The following VPS33A variants were observed in gnomAD, a reference collection of about 807,000 sequenced individuals.
VPS33A encodes VPS33A core subunit of CORVET and HOPS complexes.
In VPS33A, 32 loss-of-function variants were observed where a neutral mutation model predicts 71.8. The observed-to-expected ratio is 0.45, with a 90% CI of 0.34 to 0.60. VPS33A has a LOEUF of 0.60. Ranked by LOEUF, VPS33A falls within the 20% of genes least tolerant of loss-of-function variation. The pLI, the probability that VPS33A is intolerant of heterozygous loss-of-function variation, is 0.02. For missense variants in VPS33A, 625 were observed against 748.5 expected, an observed-to-expected ratio of 0.84 and a Z score of 1.92; for synonymous variants, 311 against 292.7, an observed-to-expected ratio of 1.06 and a Z score of -0.64.
At chr12:122,261,551 T>C in intron 3 of VPS33A, 104 bp from the exon 4 acceptor site, 1 of 1,060,620 alleles carries the variant, frequency 9.4e-7, no homozygotes, top group Non-Finnish European at 1.4e-6. Flanking sequence ...ACTAAATAAA[T>C]GCTGGCTAGA....
Position 122,264,202 on chromosome 12 carries a change from G to C in VPS33A, c.103-3C>G. The C allele has an allele frequency of 6.5e-7, 1 of 1,532,406 alleles. No homozygotes were observed. Among genetic ancestry groups the C allele is most frequent in the South Asian group, 1.3e-5 (1 of 78,070 alleles). 94.9% of individuals were successfully genotyped at this position (1,532,406 alleles called of 1,614,324 possible). On this transcript the variant is annotated splice_polypyrimidine_tract_variant and splice_region_variant and intron_variant, in intron 1 of 12. Coordinates refer to ENST00000267199, the MANE Select transcript of VPS33A (RefSeq NM_022916.6). ...AGGTATTCATCCCAAACTATTGCCT[G>C]TAAGAGGGGAGAAACATTCTCTTAT...
chr12:122,263,228 A>G (rs1259974900), intron 3 of VPS33A, among the ~76,000 whole-genome samples: 1 of 152,034 alleles, frequency 6.6e-6, no homozygotes, highest in Non-Finnish European at 1.5e-5. Flanking sequence ...CCTGACCTCA[A>G]GTGATCCACC....
chr12:122,241,780 A>C (rs1217202227), intron 8 of VPS33A, among the ~76,000 whole-genome samples: 1 of 151,932 alleles, frequency 6.6e-6, no homozygotes, highest in African/African-American at 2.4e-5. Context: ...TTTAGTAGAG[A>C]CAGGGTTTCG....
At chr12:122,236,869 G>A (rs1472067088) in intron 10 of VPS33A, among the ~76,000 whole-genome samples, 1 of 152,158 alleles carries the variant, frequency 6.6e-6, no homozygotes, top group Non-Finnish European at 1.5e-5. Context: ...TCTGAAGTCT[G>A]TGTATGGAAA....
At chr12:122,254,559 C>T (rs1954890424) in intron 4 of VPS33A, among the ~76,000 whole-genome samples, 1 of 152,024 alleles carries the variant, frequency 6.6e-6, no homozygotes, top group South Asian at 2.1e-4. Context: ...TGCACCACCA[C>T]ACCCAGCTAA....
Position 122,229,632 on chromosome 12 carries a change from C to T in VPS33A, c.*2614G>A, listed in dbSNP as rs769474853. 6.6e-6 allele frequency: 1 copy of T among 152,080 alleles called. No individual in the cohort carries two copies. The highest frequency in any genetic ancestry group is 1.5e-5 in the Non-Finnish European group (1 of 68,000). 9.4% of individuals were successfully genotyped at this position (152,080 alleles called of 1,614,324 possible). On this transcript the variant is annotated 3_prime_UTR_variant, in exon 13 of 13. Transcript: ENST00000267199. The stretch of plus-strand genomic sequence containing the variant: ...CTGTCTACCCAACTAGACAAAAGTC[C>T]AGACATGATGTAAACAATCCACTCT...
chr12:122,244,955 A>G (rs1443714882), intron 6 of VPS33A, among the ~76,000 whole-genome samples, 193 bp from the exon 7 acceptor site: 1 of 152,202 alleles, frequency 6.6e-6, no homozygotes, highest in Non-Finnish European at 1.5e-5. Flanking sequence ...CACAGTTCTC[A>G]TTATCTTTGG....
At chr12:122,265,466 C>CTGTAAA (rs1955055264) in intron 1 of VPS33A, among the ~76,000 whole-genome samples, 1 of 152,034 alleles carries the variant, frequency 6.6e-6, no homozygotes. Flanking sequence ...AGAGCGAGCC[C>CTGTAAA]CTGTACACTT....
At chr12:122,240,220 C>T (rs955074037) in intron 8 of VPS33A, among the ~76,000 whole-genome samples, 4 of 151,990 alleles carry the variant, frequency 2.6e-5, no homozygotes, top group East Asian at 1.9e-4. Flanking sequence ...CCCAGCTACT[C>T]GGGAGGCTAA....
chr12:122,250,591 C>T (rs746688289), intron 5 of VPS33A, among the ~76,000 whole-genome samples: 3 of 152,130 alleles, frequency 2.0e-5, no homozygotes, highest in Non-Finnish European at 4.4e-5. Context: ...ACAAGACACC[C>T]GACTGCACCT....
intron 9 of VPS33A, among the ~76,000 whole-genome samples, chr12:122,239,602 TGA>T (rs1954683172): frequency 6.6e-6 from 1 of 151,404 alleles, no homozygotes; most frequent in Non-Finnish European, 1.5e-5. Context: ...GGTGTGGTGG[TGA>T]GCGCCTGTAG....
intron 9 of VPS33A, among the ~76,000 whole-genome samples, chr12:122,239,240 G>C (rs758835911): frequency 4.7e-4 from 72 of 152,306 alleles, no homozygotes; most frequent in Non-Finnish European, 8.2e-4. Flanking sequence ...TTTAAAATTT[G>C]TTAATAGAGC....
chr12:122,252,043 A>G (rs1954851933), intron 4 of VPS33A, among the ~76,000 whole-genome samples: 1 of 151,974 alleles, frequency 6.6e-6, no homozygotes, highest in Non-Finnish European at 1.5e-5. Context: ...GGATTGCTTG[A>G]GCTCTTGAGT....
intron 8 of VPS33A, among the ~76,000 whole-genome samples, chr12:122,241,527 A>G (rs1360485705): frequency 1.3e-5 from 2 of 151,760 alleles, no homozygotes; most frequent in African/African-American, 4.8e-5. Context: ...CTGGTCTCGA[A>G]TGCCTGACCT....
intron 7 of VPS33A, 79 bp downstream of exon 7, chr12:122,244,490 T>C: frequency 1.6e-6 from 2 of 1,271,342 alleles, no homozygotes; most frequent in Non-Finnish European, 1.1e-6. Flanking sequence ...CTACATATTT[T>C]TGGAGCTCTT....
In VPS33A at chr12:122,266,404, G is replaced by A. The variant is rs1269221209; in HGVS notation, c.5C>T (p.Ala2Val). M[A>V]AHLSYGRVNL... is the part of the protein sequence containing the mutation. ...CACTCGGCCGTAGGACAGATGAGCCGCCATCTTGCTCCACCACCCCCTGCC... is the reference window on the plus strand; with the variant it reads ...CACTCGGCCGTAGGACAGATGAGCCACCATCTTGCTCCACCACCCCCTGCC... Residue 2 changes from alanine (A) to valine (V), a missense_variant, in exon 1 of 13, where the codon GCG becomes GTG. Transcript: ENST00000267199. 1.3e-5 allele frequency: 21 copies of A among 1,609,962 alleles called. No individual in the cohort carries two copies. The highest frequency in any genetic ancestry group is 2.2e-5 in the East Asian group (1 of 44,660).
chr12:122,237,571 C>G (rs1458981586), intron 10 of VPS33A, among the ~76,000 whole-genome samples: 1 of 133,952 alleles, frequency 7.5e-6, no homozygotes, highest in Non-Finnish European at 1.5e-5. Flanking sequence ...GAGTCTCGCT[C>G]TGTCGCCCAG....
Position 122,230,929 on chromosome 12 carries a change from C to G in VPS33A, c.*1317G>C, listed in dbSNP as rs1231798478. 6.6e-6 allele frequency: 1 copy of G among 152,284 alleles called. No homozygotes were observed. The highest frequency in any genetic ancestry group is 1.5e-5 in the Non-Finnish European group (1 of 68,100). 9.4% of individuals were successfully genotyped at this position (152,284 alleles called of 1,614,324 possible). A position where few individuals can be genotyped will look rare whatever the true frequency, so the allele number is the denominator to read the frequency against. On this transcript the variant is annotated 3_prime_UTR_variant, in exon 13 of 13. Coordinates refer to ENST00000267199, the MANE Select transcript of VPS33A (RefSeq NM_022916.6). Reference sequence around the variant, plus strand: ...TGGTCTCCAAGATCATCAAGAGATACACCTGGAGAAGGCTGAGGTCACCAG... The same window carrying G: ...TGGTCTCCAAGATCATCAAGAGATAGACCTGGAGAAGGCTGAGGTCACCAG...
In VPS33A at chr12:122,231,467, G is replaced by A. The variant is rs1207184776; in HGVS notation, c.*779C>T. 2.0e-5 allele frequency: 3 copies of A among 152,258 alleles called. No individual in the cohort carries two copies. The highest frequency in any genetic ancestry group is 2.1e-4 in the South Asian group (1 of 4,818). The allele number at this position is 152,258 out of a possible 1,614,324, so 9.4% of individuals were successfully genotyped here. On this transcript the variant is annotated 3_prime_UTR_variant, in exon 13 of 13. Transcript: ENST00000267199. ...TGCAGGAAAAAGAAATCTCAACTCAGTGATAAAATGATCTCCAGCTCCCAA... is the reference window on the plus strand; with the variant it reads ...TGCAGGAAAAAGAAATCTCAACTCAATGATAAAATGATCTCCAGCTCCCAA...
Sources: allele counts gnomAD v4.1 joint callset (sites outside exome capture counted in the v4.1 genomes callset), GRCh38; gene constraint gnomAD v4.1.1; transcripts MANE v1.5; gene names NCBI Gene and HGNC (gene_info 2026-07-23, HGNC 2026-07-21).